Variants in DTWD2 observed in about 807,000 individuals in gnomAD.
The protein encoded by DTWD2 is DTW motif tRNA-uridine aminocarboxypropyltransferase 2.
Under a neutral mutation model 31.8 loss-of-function variants are expected in DTWD2, and 39 were observed. The observed-to-expected ratio is 1.22, with a 90% CI of 0.95 to 1.60. The LOEUF is 1.60. Ranked by LOEUF, DTWD2 falls within the 40% of genes most tolerant of loss-of-function variation. The pLI is 0.00. For synonymous variants in DTWD2, 180 were observed against 142.8 expected, an observed-to-expected ratio of 1.26 and a Z score of -1.86; for missense variants, 515 against 381.5, an observed-to-expected ratio of 1.35 and a Z score of -2.92.
chr5:118,842,839 C>T (rs374671118), intron 5 of DTWD2, among the ~76,000 whole-genome samples: 7 of 150,864 alleles, frequency 4.6e-5, no homozygotes, highest in East Asian at 2.0e-4. Flanking sequence ...CCCAGCTACT[C>T]GGGAGGCTGA....
chr5:118,976,365 C>A (rs1488325071), intron 1 of DTWD2, among the ~76,000 whole-genome samples: 1 of 151,672 alleles, frequency 6.6e-6, no homozygotes, highest in Non-Finnish European at 1.5e-5. Context: ...GATAGAGACA[C>A]AAAAAAACCC....
At chr5:118,869,928 C>T (rs1203873435) in intron 4 of DTWD2, among the ~76,000 whole-genome samples, 1 of 152,012 alleles carries the variant, frequency 6.6e-6, no homozygotes, top group Non-Finnish European at 1.5e-5. Flanking sequence ...TAGAACCATC[C>T]CCTTGATGAT....
At chr5:118,965,253 C>T (rs1283468079) in intron 1 of DTWD2, among the ~76,000 whole-genome samples, 2 of 151,990 alleles carry the variant, frequency 1.3e-5, no homozygotes, top group African/African-American at 2.4e-5. Flanking sequence ...ACAGCCGCCC[C>T]GTCCGGGAGG....
rs747428307 is a variant in DTWD2 at position 118,848,166 on chromosome 5, G to C, written c.650C>G (p.Thr217Ser). The change falls in exon 5 of 6, where the codon ACT becomes AGT. Residue 217 changes from threonine to serine, a missense_variant. Coordinates refer to ENST00000510708, the MANE Select transcript of DTWD2 (RefSeq NM_173666.4). Reference protein sequence around the residue: ...SSQYVIRMQPTNRCLSTLECA... With the variant: ...SSQYVIRMQPSNRCLSTLECA... Reference sequence around the variant, plus strand: ...CTCCAGTGTAGAAAGGCATCTATTAGTCGGCTGCATCCGAATTACATACTG... The same window carrying C: ...CTCCAGTGTAGAAAGGCATCTATTACTCGGCTGCATCCGAATTACATACTG... The C allele has an allele frequency of 1.2e-6, 2 of 1,607,224 alleles. No individual in the cohort carries two copies. Among genetic ancestry groups the C allele is most frequent in the Non-Finnish European group, 1.7e-6 (2 of 1,177,034 alleles).
intron 1 of DTWD2, among the ~76,000 whole-genome samples, chr5:118,975,171 T>C (rs980641310): frequency 1.3e-5 from 2 of 152,220 alleles, no homozygotes; most frequent in Admixed American, 1.3e-4. Flanking sequence ...CAATCAAACA[T>C]AGGTTTGGTC....
chr5:118,911,218 C>G (rs1753451663), intron 4 of DTWD2, among the ~76,000 whole-genome samples: 1 of 152,122 alleles, frequency 6.6e-6, no homozygotes, highest in Admixed American at 6.5e-5. Flanking sequence ...CTGATTGTGC[C>G]ACTGGAGCAC....
intron 1 of DTWD2, among the ~76,000 whole-genome samples, chr5:118,947,991 A>G (rs1161849932): frequency 4.6e-5 from 7 of 152,220 alleles, no homozygotes; most frequent in Admixed American, 3.9e-4. Context: ...TGCATAACAC[A>G]TTTGATGAAT....
chr5:118,886,144 A>G (rs773241299), intron 4 of DTWD2, among the ~76,000 whole-genome samples: 1 of 152,250 alleles, frequency 6.6e-6, no homozygotes, highest in Non-Finnish European at 1.5e-5. Context: ...TAATTAACAT[A>G]CTGTCTATCC....
intron 1 of DTWD2, among the ~76,000 whole-genome samples, chr5:118,976,552 C>T (rs921750526): frequency 7.9e-5 from 12 of 152,282 alleles, no homozygotes; most frequent in African/African-American, 1.9e-4. Context: ...TCAAAGAATA[C>T]TCTAAACACC....
intron 3 of DTWD2, among the ~76,000 whole-genome samples, chr5:118,935,599 T>C (rs1754025404): frequency 6.6e-6 from 1 of 152,242 alleles, no homozygotes; most frequent in Non-Finnish European, 1.5e-5. Context: ...TGTTGAAGTT[T>C]GTGGTGTTGA....
At chr5:118,956,424 G>A (rs1398769478) in intron 1 of DTWD2, among the ~76,000 whole-genome samples, 2 of 152,226 alleles carry the variant, frequency 1.3e-5, no homozygotes, top group East Asian at 1.9e-4. Context: ...TGGGCTTCCT[G>A]TCAGACTAAG....
chr5:118,969,685 G>C (rs1053597732), intron 1 of DTWD2, among the ~76,000 whole-genome samples: 1 of 152,054 alleles, frequency 6.6e-6, no homozygotes, highest in Non-Finnish European at 1.5e-5. Flanking sequence ...CCATTCAAAG[G>C]TCAGCAACCT....
chr5:118,908,946 T>C (rs569399007), intron 4 of DTWD2, among the ~76,000 whole-genome samples: 2 of 152,232 alleles, frequency 1.3e-5, no homozygotes, highest in East Asian at 1.9e-4. Context: ...AGCAACACAG[T>C]AGAGCAAAAG....
chr5:118,935,861 GA>G (rs1351748323), intron 3 of DTWD2, among the ~76,000 whole-genome samples: 1 of 152,134 alleles, frequency 6.6e-6, no homozygotes, highest in East Asian at 1.9e-4. Flanking sequence ...TCAAAATACA[GA>G]AGATTTGAAT....
At chr5:118,921,727 G>C (rs576323624) in intron 4 of DTWD2, among the ~76,000 whole-genome samples, 4 of 152,144 alleles carry the variant, frequency 2.6e-5, no homozygotes, top group African/African-American at 9.6e-5. Flanking sequence ...GTCACTTAAC[G>C]AACAGTAAGT....
At chr5:118,872,557 G>C (rs1007950010) in intron 4 of DTWD2, among the ~76,000 whole-genome samples, 1 of 152,152 alleles carries the variant, frequency 6.6e-6, no homozygotes, top group African/African-American at 2.4e-5. Flanking sequence ...AAGGCCAGTA[G>C]GTGGAACAAT....
chr5:118,879,357 AGCACTTTGGGAGGCTGATATTG>A (rs1257440418), intron 4 of DTWD2, among the ~76,000 whole-genome samples: 3 of 152,164 alleles, frequency 2.0e-5, no homozygotes, highest in Non-Finnish European at 4.4e-5. Context: ...CTGTAATATC[AGCACTTTGGGAGGCTGATATTG>A]GGCCTTTGAC....
intron 4 of DTWD2, among the ~76,000 whole-genome samples, chr5:118,903,012 T>C (rs565345881): frequency 5.3e-5 from 8 of 152,196 alleles, no homozygotes; most frequent in Non-Finnish European, 1.2e-4. Flanking sequence ...ATTTTAGTAC[T>C]AATAAATTTC....
At chr5:118,985,490 TTA>T (rs56393420) in intron 1 of DTWD2, among the ~76,000 whole-genome samples, 1,947 of 95,420 alleles carry the variant, frequency 0.02, 49 homozygotes, top group South Asian at 0.028. Flanking sequence ...ATGTGCATTT[TTA>T]TATATATATA....
Sources: gnomAD v4.1 joint callset for allele counts (sites outside exome capture counted in the v4.1 genomes callset) on GRCh38, gnomAD v4.1.1 for gene constraint, MANE v1.5 for transcripts, NCBI Gene and HGNC (gene_info 2026-07-23, HGNC 2026-07-21) for gene names.